Variants in ROR1 observed in about 807,000 individuals in gnomAD.
ROR1 encodes the protein inactive tyrosine-protein kinase transmembrane receptor ROR1.
ROR1 carries 19 observed loss-of-function variants against 78.8 expected under a neutral mutation model. The ratio of observed to expected loss-of-function variants is 0.24; its 90% confidence interval spans 0.17 to 0.35. The LOEUF is 0.35. ROR1 is among the 10% of genes least tolerant of loss of function. The pLI, the probability that ROR1 is intolerant of heterozygous loss-of-function variation, is 1.00. For synonymous variants in ROR1, 386 were observed against 433.6 expected (o/e 0.89, Z 1.36); for missense variants, 917 against 1,177.8 (o/e 0.78, Z 3.24).
At chr1:63,933,434 G>A (rs927485384) in intron 1 of ROR1, among the ~76,000 whole-genome samples, 2 of 152,180 alleles carry the variant, frequency 1.3e-5, no homozygotes, top group African/African-American at 4.8e-5. Flanking sequence ...CCCAGTAGGA[G>A]TATGAAACCC....
intron 2 of ROR1, among the ~76,000 whole-genome samples, chr1:64,045,657 C>T (rs1646777966): frequency 6.6e-6 from 1 of 152,156 alleles, no homozygotes; most frequent in Non-Finnish European, 1.5e-5. Context: ...GCCTTACCCT[C>T]TCTGTTTTCC....
At chr1:64,065,871 G>A (rs908544476) in intron 4 of ROR1, among the ~76,000 whole-genome samples, 1 of 152,164 alleles carries the variant, frequency 6.6e-6, no homozygotes, top group Non-Finnish European at 1.5e-5. Context: ...GATAGTTAGT[G>A]GTTCTGAAGA....
At chr1:63,982,345 T>C (rs1193144707) in intron 1 of ROR1, among the ~76,000 whole-genome samples, 1 of 152,214 alleles carries the variant, frequency 6.6e-6, no homozygotes, top group Non-Finnish European at 1.5e-5. Flanking sequence ...AAGACAGTAA[T>C]TGGGAAAGCA....
intron 2 of ROR1, among the ~76,000 whole-genome samples, chr1:64,015,226 C>A (rs1315552072): frequency 6.6e-6 from 1 of 152,132 alleles, no homozygotes; most frequent in Non-Finnish European, 1.5e-5. Flanking sequence ...AGGTTCCTCC[C>A]ACGTCACATA....
intron 2 of ROR1, among the ~76,000 whole-genome samples, chr1:64,044,526 A>C (rs1250325723): frequency 6.6e-6 from 1 of 152,210 alleles, no homozygotes; most frequent in Admixed American, 6.5e-5. Flanking sequence ...TCCATGGAGC[A>C]GTAAAAATTA....
At chr1:63,955,667 C>T (rs1474279871) in intron 1 of ROR1, among the ~76,000 whole-genome samples, 1 of 152,104 alleles carries the variant, frequency 6.6e-6, no homozygotes, top group African/African-American at 2.4e-5. Flanking sequence ...TTTCATTTAT[C>T]CCCCAGGACC....
intron 2 of ROR1, among the ~76,000 whole-genome samples, chr1:64,012,206 A>G (rs1227042352): frequency 6.6e-6 from 1 of 152,206 alleles, no homozygotes. Context: ...CCATGGGGAT[A>G]AGAGTTGGAG....
At chr1:64,152,561 T>C (rs1321593343) in intron 7 of ROR1, among the ~76,000 whole-genome samples, 1 of 152,242 alleles carries the variant, frequency 6.6e-6, no homozygotes, top group Non-Finnish European at 1.5e-5. Context: ...TAATCTTTTG[T>C]TTGTTTTTAG....
At chr1:63,993,728 C>A (rs1646314611) in intron 1 of ROR1, among the ~76,000 whole-genome samples, 1 of 152,090 alleles carries the variant, frequency 6.6e-6, no homozygotes, top group East Asian at 1.9e-4. Flanking sequence ...CATTGTATTT[C>A]ATTGTGAATT....
At chr1:63,857,204 T>A (rs1275048105) in intron 1 of ROR1, among the ~76,000 whole-genome samples, 1 of 151,990 alleles carries the variant, frequency 6.6e-6, no homozygotes, top group Non-Finnish European at 1.5e-5. Flanking sequence ...CATCTTCATA[T>A]ATGCAATTGA....
At chr1:64,002,915 A>C (rs139743098) in intron 1 of ROR1, among the ~76,000 whole-genome samples, 1 of 152,088 alleles carries the variant, frequency 6.6e-6, no homozygotes, top group Non-Finnish European at 1.5e-5. Context: ...CCAGGGAGCA[A>C]GTGGTTATGT....
At chr1:64,160,485 A>G (rs1319618764) in intron 8 of ROR1, among the ~76,000 whole-genome samples, 3 of 152,150 alleles carry the variant, frequency 2.0e-5, no homozygotes, top group Admixed American at 2.0e-4. Context: ...AACAAAAAAA[A>G]AACCCTACAA....
chr1:64,040,592 G>A (rs1360353307), intron 2 of ROR1, among the ~76,000 whole-genome samples: 1 of 152,174 alleles, frequency 6.6e-6, no homozygotes, highest in East Asian at 1.9e-4. Context: ...TCTGGAGGCT[G>A]GAAGTTCAAG....
At chr1:64,097,062 G>A (rs1647327140) in intron 4 of ROR1, among the ~76,000 whole-genome samples, 1 of 152,046 alleles carries the variant, frequency 6.6e-6, no homozygotes, top group East Asian at 1.9e-4. Context: ...TTTTTTAATG[G>A]CTACTCTAAA....
At chr1:64,108,043 A>AT (rs1010495548) in intron 4 of ROR1, among the ~76,000 whole-genome samples, 100 of 142,482 alleles carry the variant, frequency 7.0e-4, no homozygotes, top group South Asian at 1.6e-3. Flanking sequence ...TAACATCTGG[A>AT]TTTTTTTGTT....
intron 1 of ROR1, among the ~76,000 whole-genome samples, chr1:63,812,014 G>A (rs968459042): frequency 6.8e-6 from 1 of 146,610 alleles, no homozygotes; most frequent in Non-Finnish European, 1.5e-5. Context: ...AGGCTGCAGT[G>A]CAATGGTGTG....
At chr1:63,952,246 G>T (rs1177539662) in intron 1 of ROR1, among the ~76,000 whole-genome samples, 1 of 152,152 alleles carries the variant, frequency 6.6e-6, no homozygotes, top group Non-Finnish European at 1.5e-5. Flanking sequence ...ACTCCAGGTG[G>T]TGGAATAGCA....
At chr1:64,139,977 T>C in intron 5 of ROR1, 132 bp from the exon 6 acceptor site, 2 of 792,150 alleles carry the variant, frequency 2.5e-6, no homozygotes, top group Non-Finnish European at 4.0e-6. Flanking sequence ...ATGAATCTCC[T>C]TCTCTGGGCC....
intron 1 of ROR1, among the ~76,000 whole-genome samples, chr1:63,839,390 A>G (rs895307468): frequency 1.3e-5 from 2 of 148,598 alleles, no homozygotes; most frequent in Admixed American, 1.3e-4. Context: ...CTATCTATCT[A>G]TCTATCTATC....
Sources: gnomAD v4.1 joint callset for allele counts (sites outside exome capture counted in the v4.1 genomes callset) on GRCh38, gnomAD v4.1.1 for gene constraint, MANE v1.5 for transcripts, NCBI Gene and HGNC (gene_info 2026-07-23, HGNC 2026-07-21) for gene names.